SLC24A2: variants seen among roughly 807,000 people sequenced by gnomAD.
SLC24A2 encodes the protein solute carrier family 24 member 2.
SLC24A2 carries 36 observed loss-of-function variants against 62.0 expected under a neutral mutation model. That is an observed-to-expected ratio of 0.58 (90% CI 0.44 to 0.77). The LOEUF (loss-of-function observed/expected upper bound fraction) is 0.77. Ranked by LOEUF, SLC24A2 falls within the 30% of genes least tolerant of loss-of-function variation. The pLI, the probability that SLC24A2 is intolerant of heterozygous loss-of-function variation, is 0.00. For missense variants in SLC24A2, 846 were observed against 817.9 expected, an observed-to-expected ratio of 1.03 and a Z score of -0.42; for synonymous variants, 358 against 294.0, an observed-to-expected ratio of 1.22 and a Z score of -2.23.
the SLC24A2 span, among the ~76,000 whole-genome samples, chr9:20,301,537 C>T: frequency 6.6e-6 from 1 of 151,124 alleles, no homozygotes; most frequent in Non-Finnish European, 1.5e-5. Flanking sequence ...GGGAAATGCT[C>T]AGGGTATCAT....
At chr9:19,835,437 T>A in the SLC24A2 span, among the ~76,000 whole-genome samples, 2 of 152,036 alleles carry the variant, frequency 1.3e-5, no homozygotes, top group Admixed American at 6.6e-5. Context: ...TAGTCTTGGA[T>A]AAAACAGACT....
At chr9:19,525,609 G>A (rs967790206) in intron 9 of SLC24A2, among the ~76,000 whole-genome samples, 53 of 151,362 alleles carry the variant, frequency 3.5e-4, no homozygotes, top group Admixed American at 3.2e-3. Flanking sequence ...TTGCCATGTT[G>A]CCCAGGCTGA....
the SLC24A2 span, among the ~76,000 whole-genome samples, chr9:20,155,606 T>A: frequency 6.6e-6 from 1 of 151,840 alleles, no homozygotes; most frequent in Non-Finnish European, 1.5e-5. Context: ...ATAAACATTT[T>A]AAAAATCATA....
At chr9:19,927,312 C>G in the SLC24A2 span, 1 of 152,206 alleles carries the variant, frequency 6.6e-6, no homozygotes, top group East Asian at 1.9e-4. Context: ...TGCTTAAGCT[C>G]GCCTGCCTAG....
At chr9:19,932,697 T>C in the SLC24A2 span, among the ~76,000 whole-genome samples, 1 of 152,254 alleles carries the variant, frequency 6.6e-6, no homozygotes, top group South Asian at 2.1e-4. Flanking sequence ...CTTGCCACTG[T>C]GTTTCAGACT....
At chr9:19,760,792 A>C (rs1822297807) in intron 2 of SLC24A2, among the ~76,000 whole-genome samples, 1 of 151,440 alleles carries the variant, frequency 6.6e-6, no homozygotes, top group South Asian at 2.1e-4. Context: ...GTTGGTTCCA[A>C]ATGTTTGTTC....
the SLC24A2 span, among the ~76,000 whole-genome samples, chr9:19,900,450 G>A: frequency 2.0e-5 from 3 of 152,070 alleles, no homozygotes; most frequent in African/African-American, 7.2e-5. Flanking sequence ...CCTATTATTG[G>A]TGGACTCCAT....
At chr9:20,232,079 T>G in the SLC24A2 span, among the ~76,000 whole-genome samples, 1 of 152,240 alleles carries the variant, frequency 6.6e-6, no homozygotes, top group South Asian at 2.1e-4. Context: ...ATCCCAGGGA[T>G]GAAGCCCACT....
the SLC24A2 span, among the ~76,000 whole-genome samples, chr9:19,938,353 T>TA: frequency 6.6e-6 from 1 of 152,170 alleles, no homozygotes; most frequent in African/African-American, 2.4e-5. Context: ...AACTGAAAGA[T>TA]ATTCTAAACT....
chr9:20,157,370 T>C, the SLC24A2 span, among the ~76,000 whole-genome samples: 1 of 151,618 alleles, frequency 6.6e-6, no homozygotes, highest in East Asian at 1.9e-4. Context: ...CAGAGCTCCA[T>C]TGGCACTATA....
chr9:20,300,345 G>C, the SLC24A2 span, among the ~76,000 whole-genome samples: 1 of 152,126 alleles, frequency 6.6e-6, no homozygotes, highest in Admixed American at 6.6e-5. Context: ...ATCAAACTTT[G>C]TGACTTTGAA....
the SLC24A2 span, among the ~76,000 whole-genome samples, chr9:20,200,405 T>A: frequency 2.6e-5 from 4 of 152,186 alleles, no homozygotes; most frequent in East Asian, 7.7e-4. Context: ...TGGCCAGCAG[T>A]AAAGCCAGTA....
chr9:20,212,512 G>A, the SLC24A2 span, among the ~76,000 whole-genome samples: 10 of 151,632 alleles, frequency 6.6e-5, 1 homozygote, highest in South Asian at 1.7e-3. Flanking sequence ...TTAGCAGGGC[G>A]TGGTGGCACT....
At chr9:19,967,303 A>G in the SLC24A2 span, 2 of 152,166 alleles carry the variant, frequency 1.3e-5, no homozygotes, top group Admixed American at 6.5e-5. Context: ...TCCTTCAACT[A>G]GTTTTTCACT....
intron 9 of SLC24A2, among the ~76,000 whole-genome samples, chr9:19,523,392 T>A (rs190684501): frequency 1.3e-3 from 196 of 152,304 alleles, no homozygotes; most frequent in Admixed American, 3.9e-3. Flanking sequence ...TGACTATATG[T>A]GAGATGCAAA....
At chr9:19,564,063 C>T (rs961669424) in intron 7 of SLC24A2, among the ~76,000 whole-genome samples, 5 of 151,730 alleles carry the variant, frequency 3.3e-5, no homozygotes, top group African/African-American at 7.3e-5. Flanking sequence ...GTGATGTTGC[C>T]CAGGCTAGTC....
the SLC24A2 span, among the ~76,000 whole-genome samples, chr9:20,205,645 C>T: frequency 1.3e-4 from 14 of 105,546 alleles, no homozygotes; most frequent in African/African-American, 5.0e-4. Flanking sequence ...AGTGAGACTC[C>T]ATCTAAAAAA....
chr9:20,078,283 C>T, the SLC24A2 span, among the ~76,000 whole-genome samples: 1 of 152,034 alleles, frequency 6.6e-6, no homozygotes, highest in African/African-American at 2.4e-5. Flanking sequence ...TAAAGGACTG[C>T]CCAATTCTTC....
chr9:19,785,706 T>A (rs1273072694), intron 2 of SLC24A2, among the ~76,000 whole-genome samples: 1 of 152,210 alleles, frequency 6.6e-6, no homozygotes, highest in Non-Finnish European at 1.5e-5. Context: ...TATTTACAAG[T>A]GTTTTACTCT....
Sources: allele counts gnomAD v4.1 joint callset (sites outside exome capture counted in the v4.1 genomes callset), GRCh38; gene constraint gnomAD v4.1.1; transcripts MANE v1.5; gene names NCBI Gene and HGNC (gene_info 2026-07-23, HGNC 2026-07-21).